The following VMP1 variants were observed in gnomAD, a reference collection of about 807,000 sequenced individuals.
VMP1 encodes the protein ectopic P-granules autophagy protein 3 homolog.
VMP1 carries 11 observed loss-of-function variants against 56.0 expected under a neutral mutation model. The ratio of observed to expected loss-of-function variants is 0.20; its 90% CI spans 0.12 to 0.32. VMP1 has a LOEUF of 0.32. Ranked by LOEUF, VMP1 falls within the 10% of genes least tolerant of loss-of-function variation. VMP1 has a pLI of 1.00. For synonymous variants in VMP1, 149 were observed against 165.0 expected, an observed-to-expected ratio of 0.90 and a Z score of 0.74; for missense variants, 296 against 490.3, an observed-to-expected ratio of 0.60 and a Z score of 3.74.
intron 2 of VMP1, among the ~76,000 whole-genome samples, chr17:59,733,562 C>T (rs1363182697): frequency 6.6e-6 from 1 of 151,986 alleles, no homozygotes; most frequent in Non-Finnish European, 1.5e-5. Flanking sequence ...ACTAGCCGGG[C>T]GTGGTGGCAG....
At chr17:59,713,249 T>C (rs1290660598) in intron 1 of VMP1, among the ~76,000 whole-genome samples, 11 of 148,298 alleles carry the variant, frequency 7.4e-5, no homozygotes, top group African/African-American at 2.5e-4. Flanking sequence ...CGGGGCCTGT[T>C]GTGGGTTGGG....
chr17:59,787,003 G>A (rs749019859), intron 7 of VMP1, among the ~76,000 whole-genome samples: 2 of 152,136 alleles, frequency 1.3e-5, no homozygotes, highest in African/African-American at 2.4e-5. Flanking sequence ...TTGAAAAGGC[G>A]GGCCTGGTAG....
intron 10 of VMP1, among the ~76,000 whole-genome samples, chr17:59,831,160 A>G (rs747576328): frequency 2.0e-5 from 3 of 152,072 alleles, no homozygotes; most frequent in Non-Finnish European, 2.9e-5. Context: ...TTTATTATCT[A>G]TCTATCTAAT....
At chr17:59,777,824 A>AAAACT (rs903579460) in intron 7 of VMP1, among the ~76,000 whole-genome samples, 1 of 151,046 alleles carries the variant, frequency 6.6e-6, no homozygotes, top group African/African-American at 2.5e-5. Flanking sequence ...AAAACAAAAC[A>AAAACT]AAACAAAACA....
intron 8 of VMP1, among the ~76,000 whole-genome samples, chr17:59,810,560 C>T (rs1027406019): frequency 1.3e-5 from 2 of 152,036 alleles, no homozygotes; most frequent in African/African-American, 4.8e-5. Context: ...GTCACATGAG[C>T]AAATATAACA....
chr17:59,817,676 C>T (rs1568204550), intron 9 of VMP1, 36 bp from the exon 10 acceptor site: 1 of 1,506,334 alleles, frequency 6.6e-7, no homozygotes, highest in Non-Finnish European at 9.2e-7. Context: ...TTTTTGATGA[C>T]TAAATAATTT....
intron 8 of VMP1, among the ~76,000 whole-genome samples, chr17:59,810,512 T>C (rs755657941): frequency 6.6e-6 from 1 of 151,844 alleles, no homozygotes; most frequent in South Asian, 2.1e-4. Context: ...AACCTTATGA[T>C]AAAGGAAAAA....
intron 1 of VMP1, among the ~76,000 whole-genome samples, chr17:59,729,149 C>T (rs1300332278): frequency 6.6e-6 from 1 of 151,982 alleles, no homozygotes; most frequent in Non-Finnish European, 1.5e-5. Context: ...TTGGGTATAC[C>T]ATATACCGTA....
intron 7 of VMP1, among the ~76,000 whole-genome samples, chr17:59,777,812 T>TCAAAACGAAACAAAA: frequency 6.7e-6 from 1 of 148,430 alleles, no homozygotes; most frequent in East Asian, 2.1e-4. Flanking sequence ...AGACTCCGTC[T>TCAAAACGAAACAAAA]CAAAACAAAA....
At chr17:59,744,844 T>C (rs2035366569) in intron 5 of VMP1, among the ~76,000 whole-genome samples, 1 of 151,928 alleles carries the variant, frequency 6.6e-6, no homozygotes, top group Non-Finnish European at 1.5e-5. Context: ...TAGGATCCCC[T>C]GGGTTTAACA....
intron 5 of VMP1, among the ~76,000 whole-genome samples, chr17:59,740,034 G>A (rs1387129032): frequency 6.7e-6 from 1 of 149,294 alleles, no homozygotes; most frequent in African/African-American, 2.5e-5. Context: ...CCGAGATCAC[G>A]CCACTGCACT....
At chr17:59,829,420 G>A (rs2038744312) in intron 10 of VMP1, among the ~76,000 whole-genome samples, 2 of 152,104 alleles carry the variant, frequency 1.3e-5, no homozygotes, top group Admixed American at 1.3e-4. Context: ...CATGTGGAGG[G>A]CAATCTGTCA....
chr17:59,805,158 A>G (rs763563103), intron 7 of VMP1, among the ~76,000 whole-genome samples: 1 of 152,202 alleles, frequency 6.6e-6, no homozygotes, highest in Non-Finnish European at 1.5e-5. Flanking sequence ...ACGTGTTCGG[A>G]TAGATTAACT....
intron 1 of VMP1, among the ~76,000 whole-genome samples, chr17:59,708,757 A>C (rs755917664): frequency 2.3e-4 from 35 of 152,214 alleles, no homozygotes; most frequent in Middle Eastern, 3.2e-3. Context: ...TTAGTTGTGT[A>C]TTCTTAGCAT....
In VMP1 at chr17:59,769,018, C is replaced by T. The variant is rs894546054; in HGVS notation, c.582+3880C>T. Among the ~76,000 whole-genome samples the T allele has an allele frequency of 4.0e-5, 6 of 151,040 alleles. No homozygotes were observed. In the South Asian group the frequency reaches 6.3e-4, roughly 16 times the overall value. On this transcript the variant is annotated intron_variant, in intron 6 of 11. Transcript: ENST00000262291. ...GGTCTGTAATCCCAGCTACTCAGGA[C>T]GCTGAGGTGGGAGAATTGCTTGAAC...
chr17:59,802,074 A>G (rs927790834), intron 7 of VMP1, among the ~76,000 whole-genome samples: 2 of 151,770 alleles, frequency 1.3e-5, no homozygotes, highest in African/African-American at 4.8e-5. Context: ...GGTGGCACGC[A>G]CCTGTAGTCC....
chr17:59,745,375 AATT>A, intron 5 of VMP1, among the ~76,000 whole-genome samples: 1 of 152,334 alleles, frequency 6.6e-6, no homozygotes, highest in Admixed American at 6.5e-5. Flanking sequence ...TAAAAATTTT[AATT>A]AATAAGCGTA....
intron 5 of VMP1, among the ~76,000 whole-genome samples, chr17:59,757,238 G>GAGCTAGAT (rs1555617331): frequency 2.7e-5 from 4 of 146,788 alleles, no homozygotes; most frequent in African/African-American, 7.5e-5. Flanking sequence ...GATTAGGATG[G>GAGCTAGAT]AGATAGATAG....
intron 5 of VMP1, among the ~76,000 whole-genome samples, chr17:59,742,583 G>T (rs1013811598): frequency 6.6e-6 from 1 of 150,992 alleles, no homozygotes; most frequent in African/African-American, 2.4e-5. Context: ...GTAGTTTTAG[G>T]TTTACAGAAA....
Sources: allele counts gnomAD v4.1 joint callset (sites outside exome capture counted in the v4.1 genomes callset), GRCh38; gene constraint gnomAD v4.1.1; transcripts MANE v1.5; gene names NCBI Gene and HGNC (gene_info 2026-07-23, HGNC 2026-07-21).